The following NALF1 variants were observed in gnomAD, a reference collection of about 807,000 sequenced individuals.
NALF1 encodes the protein NALCN channel auxiliary factor 1.
NALF1 carries 3 observed loss-of-function variants against 48.4 expected under a neutral mutation model. The observed-to-expected ratio is 0.06, with a 90% CI of 0.03 to 0.16. The LOEUF (loss-of-function observed/expected upper bound fraction) is 0.16. Ranked by LOEUF, NALF1 falls within the 10% of genes least tolerant of loss-of-function variation. The probability of loss-of-function intolerance (pLI) is 1.00; values close to 1 mark genes in which losing one functional copy is unlikely to be tolerated. For missense variants in NALF1, 526 were observed against 571.5 expected (o/e 0.92, Z 0.81); for synonymous variants, 262 against 245.7 (o/e 1.07, Z -0.62).
At chr13:107,346,779 A>T (rs1292145291) in intron 1 of NALF1, among the ~76,000 whole-genome samples, 1 of 152,196 alleles carries the variant, frequency 6.6e-6, no homozygotes, top group Non-Finnish European at 1.5e-5. Context: ...CAATTTTAAA[A>T]ATCCTCATTT....
intron 1 of NALF1, among the ~76,000 whole-genome samples, chr13:107,530,074 A>G (rs1158998688): frequency 1.3e-5 from 2 of 152,042 alleles, no homozygotes; most frequent in African/African-American, 2.4e-5. Flanking sequence ...ATTCAGCAAT[A>G]TGGGCTCCCT....
chr13:107,814,051 CTG>C (rs1481994177), intron 1 of NALF1, among the ~76,000 whole-genome samples: 1 of 152,008 alleles, frequency 6.6e-6, no homozygotes, highest in East Asian at 1.9e-4. Flanking sequence ...ACCCTGCAAA[CTG>C]TGGAAAAGAA....
chr13:107,242,596 TG>T (rs1431610270), intron 1 of NALF1, among the ~76,000 whole-genome samples: 1 of 152,238 alleles, frequency 6.6e-6, no homozygotes, highest in Admixed American at 6.5e-5. Flanking sequence ...TTTAATTAAT[TG>T]ATTAACATTA....
intron 1 of NALF1, among the ~76,000 whole-genome samples, chr13:107,713,391 C>CATGTA (rs1345119106): frequency 6.6e-6 from 1 of 152,172 alleles, no homozygotes. Flanking sequence ...ATGATATCAA[C>CATGTA]ATGTAATGAT....
intron 1 of NALF1, among the ~76,000 whole-genome samples, chr13:107,665,798 T>C (rs532093084): frequency 1.3e-5 from 2 of 152,208 alleles, no homozygotes; most frequent in Admixed American, 6.5e-5. Flanking sequence ...AATTAAAAGA[T>C]AAAAATGAAA....
chr13:107,375,668 C>T (rs1436481084), intron 1 of NALF1, among the ~76,000 whole-genome samples: 3 of 151,688 alleles, frequency 2.0e-5, no homozygotes, highest in African/African-American at 2.4e-5. Context: ...TATGAGAATG[C>T]TATAAAGAAA....
intron 1 of NALF1, among the ~76,000 whole-genome samples, chr13:107,307,142 G>A (rs1015230807): frequency 6.6e-6 from 1 of 152,108 alleles, no homozygotes; most frequent in African/African-American, 2.4e-5. Flanking sequence ...TATTTCCAGG[G>A]CTCTAAATCA....
chr13:107,376,487 C>A (rs1883342471), intron 1 of NALF1, among the ~76,000 whole-genome samples: 1 of 152,150 alleles, frequency 6.6e-6, no homozygotes, highest in African/African-American at 2.4e-5. Context: ...TGGCTCTCAA[C>A]AAATGCTGAA....
intron 1 of NALF1, among the ~76,000 whole-genome samples, chr13:107,418,265 A>T (rs1884127200): frequency 6.6e-6 from 1 of 152,114 alleles, no homozygotes; most frequent in Admixed American, 6.6e-5. Context: ...TGTCTCCAGC[A>T]TCCATGCCCT....
At chr13:107,704,946 T>C (rs906705067) in intron 1 of NALF1, among the ~76,000 whole-genome samples, 4 of 152,210 alleles carry the variant, frequency 2.6e-5, no homozygotes, top group African/African-American at 7.2e-5. Flanking sequence ...TCAGTCTTTC[T>C]ATTATTAGTG....
At chr13:107,824,952 G>A (rs1027573658) in intron 1 of NALF1, among the ~76,000 whole-genome samples, 10 of 152,054 alleles carry the variant, frequency 6.6e-5, no homozygotes, top group Admixed American at 6.6e-5. Context: ...CACCTTTCCC[G>A]AATACTAGGA....
chr13:107,316,651 G>A (rs4772874), intron 1 of NALF1, among the ~76,000 whole-genome samples: 152,060 of 152,328 alleles, frequency 1, 75,896 homozygotes, highest in Non-Finnish European at 1. Flanking sequence ...ATGGCCAGTG[G>A]TGATGAGCAT....
intron 1 of NALF1, among the ~76,000 whole-genome samples, chr13:107,604,978 G>A (rs1363104619): frequency 2.0e-5 from 3 of 152,090 alleles, no homozygotes; most frequent in African/African-American, 7.2e-5. Context: ...CTCATTACAA[G>A]AAAGTATACT....
chr13:107,655,220 C>A (rs1250875156), intron 1 of NALF1, among the ~76,000 whole-genome samples: 1 of 152,058 alleles, frequency 6.6e-6, no homozygotes, highest in East Asian at 1.9e-4. Context: ...TCGCTCTTTG[C>A]TGATAATATC....
chr13:107,722,013 ATTAAC>A lies in NALF1; in HGVS notation c.915+143664_915+143668del, dbSNP rs1489560900. On this transcript the variant is annotated intron_variant, in intron 1 of 2. Transcript: ENST00000375915. The stretch of plus-strand genomic sequence containing the variant: ...TCTTGCCTTTGAGTTTAAGACGATT[ATTAAC>A]TTAAGACAAAGCATTCAGCAAGTTA... Among the ~76,000 whole-genome samples the A allele has an allele frequency of 8.5e-5, 13 of 152,316 alleles. No homozygotes were observed. The South Asian group carries it at 2.1e-3, about 24-fold the overall frequency.
intron 1 of NALF1, among the ~76,000 whole-genome samples, chr13:107,536,124 C>T (rs1420404627): frequency 1.3e-5 from 2 of 152,106 alleles, no homozygotes; most frequent in Non-Finnish European, 2.9e-5. Flanking sequence ...CATAAAAATC[C>T]TAGAAGAAAA....
At chr13:107,528,420 T>G (rs985282108) in intron 1 of NALF1, among the ~76,000 whole-genome samples, 1 of 152,162 alleles carries the variant, frequency 6.6e-6, no homozygotes, top group Non-Finnish European at 1.5e-5. Flanking sequence ...ATACGTTCTT[T>G]TAGATTAAAA....
intron 1 of NALF1, among the ~76,000 whole-genome samples, chr13:107,758,594 A>T (rs1877181056): frequency 6.6e-6 from 1 of 151,972 alleles, no homozygotes; most frequent in South Asian, 2.1e-4. Context: ...GGTGGCAGGC[A>T]CCTGTAGTAC....
intron 1 of NALF1, among the ~76,000 whole-genome samples, chr13:107,715,748 C>T (rs190534245): frequency 6.6e-6 from 1 of 152,120 alleles, no homozygotes; most frequent in Non-Finnish European, 1.5e-5. Context: ...GGAGGCCTCT[C>T]ACGTCTTTAC....
Sources: allele counts gnomAD v4.1 joint callset (sites outside exome capture counted in the v4.1 genomes callset), GRCh38; gene constraint gnomAD v4.1.1; transcripts MANE v1.5; gene names NCBI Gene and HGNC (gene_info 2026-07-23, HGNC 2026-07-21).